The following PITPNM2 variants were observed in gnomAD, a reference collection of about 807,000 sequenced individuals.
The protein encoded by PITPNM2 is phosphatidylinositol transfer protein membrane associated 2, also known as membrane-associated phosphatidylinositol transfer protein 2.
Under a neutral mutation model 132.2 loss-of-function variants are expected in PITPNM2, and 35 were observed. The observed-to-expected ratio is 0.26, with a 90% CI of 0.20 to 0.35. The LOEUF is 0.35. PITPNM2 is among the 10% of genes least tolerant of loss of function. The pLI is 1.00. For missense variants in PITPNM2, 1,332 were observed against 1,912.0 expected, an observed-to-expected ratio of 0.70 and a Z score of 5.66; for synonymous variants, 738 against 799.2, an observed-to-expected ratio of 0.92 and a Z score of 1.29.
chr12:122,990,916 G>A (rs1369991132), intron 16 of PITPNM2, among the ~76,000 whole-genome samples: 2 of 152,150 alleles, frequency 1.3e-5, no homozygotes, highest in African/African-American at 4.8e-5. Context: ...GTGGACTGAC[G>A]AATGGACACA....
At chr12:123,052,991 C>A (rs1051759468) in intron 2 of PITPNM2, among the ~76,000 whole-genome samples, 2 of 152,060 alleles carry the variant, frequency 1.3e-5, no homozygotes, top group Admixed American at 6.6e-5. Flanking sequence ...AGCAACCCTC[C>A]CCCTTCAGCC....
At chr12:123,119,585 C>T (rs1265244511) in intron 1 of PITPNM2, among the ~76,000 whole-genome samples, 3 of 151,940 alleles carry the variant, frequency 2.0e-5, no homozygotes, top group Non-Finnish European at 4.4e-5. Flanking sequence ...GTCTTGATCT[C>T]CTGACCTCGT....
chr12:123,098,218 T>C (rs1436149151), intron 2 of PITPNM2, among the ~76,000 whole-genome samples: 1 of 152,162 alleles, frequency 6.6e-6, no homozygotes, highest in Non-Finnish European at 1.5e-5. Context: ...CCACAGGCTC[T>C]GGGAGATGCT....
At chr12:123,124,196 C>T (rs988521960) in intron 1 of PITPNM2, among the ~76,000 whole-genome samples, 25 of 152,282 alleles carry the variant, frequency 1.6e-4, no homozygotes, top group African/African-American at 5.8e-4. Flanking sequence ...GCGGAGGTTG[C>T]AGTGAGCCCG....
chr12:122,988,505 C>T (rs1404565201), intron 19 of PITPNM2, among the ~76,000 whole-genome samples, 155 bp from the exon 20 acceptor site: 2 of 152,118 alleles, frequency 1.3e-5, no homozygotes, highest in Non-Finnish European at 2.9e-5. Context: ...GCCCTCAGAC[C>T]CCTGTTCGTT....
chr12:123,085,771 A>C (rs1163886314), intron 2 of PITPNM2, among the ~76,000 whole-genome samples: 1 of 152,240 alleles, frequency 6.6e-6, no homozygotes, highest in Non-Finnish European at 1.5e-5. Context: ...CACAGGGACA[A>C]TGGTGGGACC....
Position 122,989,916 on chromosome 12 carries a change from C to T in PITPNM2, c.2602G>A (p.Val868Ile), listed in dbSNP as rs763778187. 410 of 1,322,300 alleles carry T rather than the reference C, an allele frequency of 3.1e-4. No individual in the cohort carries two copies. The highest frequency in any genetic ancestry group is 3.7e-4 in the Non-Finnish European group (384 of 1,031,984). The allele number at this position is 1,322,300 out of a possible 1,614,324, so 81.9% of individuals were successfully genotyped here. A position where few individuals can be genotyped will look rare whatever the true frequency, so the allele number is the denominator to read the frequency against. Reference sequence around the variant, plus strand: ...AGGGCGAGCAGGGACAGACGCCTGACGCTGGGGGTATGGCTGAGCGCATCG... The same window carrying T: ...AGGGCGAGCAGGGACAGACGCCTGATGCTGGGGGTATGGCTGAGCGCATCG... The part of the protein sequence containing the change: ...APDALSHTPS[V>I]RRLSLLALPA... The change falls in exon 18 of 26, where the codon GTC becomes ATC. Residue 868 changes from valine to isoleucine, a missense_variant. Coordinates refer to ENST00000320201, the MANE Select transcript of PITPNM2 (RefSeq NM_020845.3).
At chr12:123,057,945 T>C (rs4148859) in intron 2 of PITPNM2, among the ~76,000 whole-genome samples, 5,136 of 152,136 alleles carry the variant, frequency 0.034, 146 homozygotes, top group East Asian at 0.17. Context: ...GATCCAGAGG[T>C]TGGAATGTGA....
At chr12:122,990,493 G>T in intron 17 of PITPNM2, 52 bp downstream of exon 17, 2 of 1,599,812 alleles carry the variant, frequency 1.3e-6, no homozygotes, top group Non-Finnish European at 1.7e-6. Flanking sequence ...TGTCCCCTGT[G>T]GGCACAATGG....
intron 3 of PITPNM2, among the ~76,000 whole-genome samples, chr12:123,014,540 C>T (rs571591395): frequency 6.6e-6 from 1 of 152,220 alleles, no homozygotes; most frequent in African/African-American, 2.4e-5. Flanking sequence ...CTTGTCTCTA[C>T]TAAAAATAGA....
chr12:123,089,497 G>A (rs1242429795), intron 2 of PITPNM2: 1 of 152,158 alleles, frequency 6.6e-6, no homozygotes, highest in Non-Finnish European at 1.5e-5. Context: ...TCCCAGTGGT[G>A]AGAAAAAAGC....
intron 1 of PITPNM2, among the ~76,000 whole-genome samples, chr12:123,143,911 G>A (rs2043558312): frequency 6.6e-6 from 1 of 152,178 alleles, no homozygotes; most frequent in Non-Finnish European, 1.5e-5. Context: ...CATCAGCATT[G>A]TGAGGTGCCC....
At chr12:123,071,342 T>G (rs2041615981) in intron 2 of PITPNM2, among the ~76,000 whole-genome samples, 1 of 152,220 alleles carries the variant, frequency 6.6e-6, no homozygotes, top group African/African-American at 2.4e-5. Context: ...GAGCTGCTCA[T>G]CTTTTCCCTG....
Position 122,995,385 on chromosome 12 carries a change from C to T in PITPNM2, c.2054+4G>A. The T allele has an allele frequency of 2.5e-6, 4 of 1,584,772 alleles. No homozygotes were observed. The South Asian group carries it at 4.7e-5, about 18-fold the overall frequency. ...GCAAGCCCCAGCCCCCCAGCCCTGC[C>T]CACCTGGACAGGAAGGCCTGGTGCT... On this transcript the variant is annotated splice_donor_region_variant and intron_variant, in intron 14 of 25. Coordinates refer to ENST00000320201, the MANE Select transcript of PITPNM2 (RefSeq NM_020845.3).
At chr12:123,120,672 C>A (rs1238602502) in intron 1 of PITPNM2, among the ~76,000 whole-genome samples, 1 of 152,192 alleles carries the variant, frequency 6.6e-6, no homozygotes, top group East Asian at 1.9e-4. Flanking sequence ...TTTGCTGGTA[C>A]AACACCTAGC....
rs1314991810 is a variant in PITPNM2 at position 123,058,489 on chromosome 12, T to G, written c.-95-23804A>C. On this transcript the variant is annotated intron_variant, in intron 2 of 25. Transcript: ENST00000320201. This position sits in a 1 kb window ranked among gnomAD's most constrained non-coding sequence, Gnocchi z 4.0. ...TGCAGATGCAACCATGTTTGCCAGC[T>G]CCCCAGAATGTCACTGGAAGCCATC... Among the ~76,000 whole-genome samples the G allele has an allele frequency of 6.6e-6, 1 of 152,064 alleles. No individual in the cohort carries two copies. The highest frequency in any genetic ancestry group is 1.5e-5 in the Non-Finnish European group (1 of 68,004).
Position 122,993,764 on chromosome 12 carries a change from G to C in PITPNM2, c.2233+1037C>G, listed in dbSNP as rs1442968187. The stretch of plus-strand genomic sequence containing the variant: ...GGGATGCCCTCCATGGGGCTGCCTT[G>C]GTTGTTGGGGTCCCCTTAAAGCTAC... On this transcript the variant is annotated intron_variant, in intron 15 of 25. Coordinates refer to ENST00000320201, the MANE Select transcript of PITPNM2 (RefSeq NM_020845.3). The surrounding 1 kb of genome is among the most constrained non-coding windows in gnomAD (Gnocchi z 5.2). 1.3e-5 allele frequency among the ~76,000 whole-genome samples: 2 copies of C among 152,244 alleles called. No homozygotes were observed. Among genetic ancestry groups the C allele is most frequent in the Non-Finnish European group, 2.9e-5 (2 of 68,044 alleles).
At chr12:123,098,923 G>A (rs1034568937) in intron 2 of PITPNM2, among the ~76,000 whole-genome samples, 3 of 152,120 alleles carry the variant, frequency 2.0e-5, no homozygotes, top group Non-Finnish European at 4.4e-5. Flanking sequence ...GCTCATTCTG[G>A]TCCGTCTGCC....
At chr12:123,067,490 C>T (rs1204788937) in intron 2 of PITPNM2, among the ~76,000 whole-genome samples, 1 of 150,026 alleles carries the variant, frequency 6.7e-6, no homozygotes, top group Non-Finnish European at 1.5e-5. Flanking sequence ...CACACACACA[C>T]ACACACACGC....
Sources: allele counts gnomAD v4.1 joint callset (sites outside exome capture counted in the v4.1 genomes callset), GRCh38; gene constraint gnomAD v4.1.1; non-coding constraint Gnocchi (gnomAD v3.1); transcripts MANE v1.5; gene names NCBI Gene and HGNC (gene_info 2026-07-23, HGNC 2026-07-21).